The following ITFG1 variants were observed in gnomAD, a reference collection of about 807,000 sequenced individuals.
ITFG1 encodes the protein T-cell immunomodulatory protein.
ITFG1 carries 34 observed loss-of-function variants against 81.8 expected under a neutral mutation model. The ratio of observed to expected loss-of-function variants is 0.42; its 90% confidence interval spans 0.32 to 0.55. The LOEUF is 0.55. Ranked by LOEUF, ITFG1 falls within the 20% of genes least tolerant of loss-of-function variation. The pLI, the probability that ITFG1 is intolerant of heterozygous loss-of-function variation, is 0.17. For synonymous variants in ITFG1, 285 were observed against 270.6 expected (o/e 1.05, Z -0.52); for missense variants, 672 against 755.4 (o/e 0.89, Z 1.29).
chr16:47,408,522 A>T (rs1378512913), intron 6 of ITFG1, among the ~76,000 whole-genome samples: 1 of 152,234 alleles, frequency 6.6e-6, no homozygotes, highest in Non-Finnish European at 1.5e-5. Flanking sequence ...AAAGGTAAAG[A>T]GTCCCTGGGG....
At chr16:47,436,789 T>C (rs894333353) in intron 5 of ITFG1, among the ~76,000 whole-genome samples, 2 of 152,212 alleles carry the variant, frequency 1.3e-5, no homozygotes, top group African/African-American at 4.8e-5. Context: ...CTGTTCAAAG[T>C]AAGCAGCTGG....
At chr16:47,304,258 T>C (rs1967123859) in intron 10 of ITFG1, among the ~76,000 whole-genome samples, 1 of 152,112 alleles carries the variant, frequency 6.6e-6, no homozygotes, top group African/African-American at 2.4e-5. Flanking sequence ...ACAGGTTTCT[T>C]AGTTAAGCTT....
chr16:47,287,674 A>T lies in ITFG1; in HGVS notation c.1070+23566T>A, dbSNP rs1356477208. 3.3e-5 allele frequency among the ~76,000 whole-genome samples: 5 copies of T among 152,204 alleles called. 1 individual carries two copies. The highest frequency in any genetic ancestry group is 1.2e-4 in the African/African-American group (5 of 41,456). On this transcript the variant is annotated intron_variant, in intron 10 of 17. Transcript: ENST00000320640. ...CACCTCAGCCTCCCAAAGTGCTGTG[A>T]CTACAGGTGTGTGCCACCATACCAG...
At chr16:47,406,887 G>T (rs906440956) in intron 6 of ITFG1, among the ~76,000 whole-genome samples, 1 of 152,138 alleles carries the variant, frequency 6.6e-6, no homozygotes, top group African/African-American at 2.4e-5. Context: ...CTGGATATCC[G>T]CAGGAATAAT....
At chr16:47,317,214 A>C (rs1044463283) in intron 8 of ITFG1, among the ~76,000 whole-genome samples, 1 of 152,218 alleles carries the variant, frequency 6.6e-6, no homozygotes, top group African/African-American at 2.4e-5. Context: ...TACTTTATTG[A>C]AATAGAATTA....
In ITFG1 at chr16:47,218,725, G is replaced by GT. The variant is rs1210665862; in HGVS notation, c.1453+142dup. ...TAAGAACCTTTTATAATCTACCAATGTAAGTCTATGGAAAGACTAAGTATA... is the reference window on the plus strand; with the variant it reads ...TAAGAACCTTTTATAATCTACCAATGTTAAGTCTATGGAAAGACTAAGTATA... On this transcript the variant is annotated intron_variant, in intron 14 of 17. Coordinates refer to ENST00000320640, the MANE Select transcript of ITFG1 (RefSeq NM_030790.5). 9.6e-6 allele frequency: 4 copies of GT among 416,092 alleles called. No homozygotes were observed. The East Asian group carries it at 1.1e-4, about 12-fold the overall frequency. 25.8% of individuals were successfully genotyped at this position (416,092 alleles called of 1,614,324 possible). A position where few individuals can be genotyped will look rare whatever the true frequency, so the allele number is the denominator to read the frequency against.
intron 6 of ITFG1, among the ~76,000 whole-genome samples, chr16:47,376,598 T>C (rs1968327609): frequency 6.6e-6 from 1 of 152,222 alleles, no homozygotes; most frequent in South Asian, 2.1e-4. Context: ...ATTATGTTTG[T>C]ATCATGGCAA....
chr16:47,201,529 C>G (rs1245531509), intron 14 of ITFG1, among the ~76,000 whole-genome samples: 1 of 151,976 alleles, frequency 6.6e-6, no homozygotes, highest in African/African-American at 2.4e-5. Context: ...TTATTTTGCC[C>G]TTATTTAGAA....
intron 10 of ITFG1, among the ~76,000 whole-genome samples, chr16:47,284,456 C>T (rs1966862735): frequency 6.6e-6 from 1 of 152,106 alleles, no homozygotes; most frequent in Non-Finnish European, 1.5e-5. Context: ...TTTTAATGTT[C>T]ATAGATGAAA....
chr16:47,170,374 T>C (rs1295042633), intron 14 of ITFG1, among the ~76,000 whole-genome samples: 1 of 152,318 alleles, frequency 6.6e-6, no homozygotes, highest in African/African-American at 2.4e-5. Context: ...TACAGGTAGG[T>C]TGACATTGTC....
chr16:47,164,926 A>G (rs1344201887), intron 14 of ITFG1, among the ~76,000 whole-genome samples: 1 of 152,258 alleles, frequency 6.6e-6, no homozygotes, highest in Non-Finnish European at 1.5e-5. Flanking sequence ...AAAATGCCAT[A>G]GATTCGGTGT....
intron 4 of ITFG1, 31 bp from the exon 5 acceptor site, chr16:47,451,501 T>G: frequency 8.6e-7 from 1 of 1,168,332 alleles, no homozygotes; most frequent in Non-Finnish European, 1.3e-6. Context: ...TAAGCAGCTA[T>G]TTCTTTAAAT....
intron 10 of ITFG1, among the ~76,000 whole-genome samples, chr16:47,292,745 G>C (rs534206390): frequency 1.3e-5 from 2 of 152,146 alleles, no homozygotes; most frequent in East Asian, 1.9e-4. Context: ...CTTTGTTTCT[G>C]AATTGTTTAA....
At chr16:47,289,109 C>A (rs1407491258) in intron 10 of ITFG1, among the ~76,000 whole-genome samples, 2 of 152,052 alleles carry the variant, frequency 1.3e-5, no homozygotes, top group African/African-American at 4.8e-5. Context: ...ATTGAGATGA[C>A]CAAAGAGTTT....
At chr16:47,222,078 C>CT (rs1965698691) in intron 13 of ITFG1, among the ~76,000 whole-genome samples, 1 of 151,892 alleles carries the variant, frequency 6.6e-6, no homozygotes, top group African/African-American at 2.4e-5. Flanking sequence ...TTTTGTGTCT[C>CT]TATTTCCTTC....
intron 8 of ITFG1, among the ~76,000 whole-genome samples, chr16:47,314,567 G>T (rs1331658171): frequency 2.0e-5 from 3 of 152,102 alleles, no homozygotes; most frequent in Non-Finnish European, 4.4e-5. Context: ...GCCTACAGAG[G>T]TGAGGTTATG....
At position 47,311,269 on chromosome 16, in the gene ITFG1, A is replaced by G. The variant is rs764946653; in HGVS notation, c.1041T>C (p.Ala347=). The change falls in exon 10 of 18, where the codon GCT becomes GCC. Residue 347 remains alanine (A), a synonymous_variant. Coordinates refer to ENST00000320640, the MANE Select transcript of ITFG1 (RefSeq NM_030790.5). ...CAGATGTGTTCTTTAGTATGACCAG[A>G]GCGTCTGGATAGCCATCCATATTGT... ...GDYNMDGYPD[A]LVILKNTSGS... is the part of the protein sequence containing the mutation. The G allele has an allele frequency of 6.2e-7, 1 of 1,612,270 alleles. No homozygotes were observed. The highest frequency in any genetic ancestry group is 8.5e-7 in the Non-Finnish European group (1 of 1,178,904).
chr16:47,340,141 T>C (rs1967761631), intron 8 of ITFG1, among the ~76,000 whole-genome samples: 1 of 152,104 alleles, frequency 6.6e-6, no homozygotes, highest in Non-Finnish European at 1.5e-5. Flanking sequence ...AAATGTAAGA[T>C]ATTCCCAGAT....
At chr16:47,399,368 T>C (rs1968630985) in intron 6 of ITFG1, among the ~76,000 whole-genome samples, 1 of 152,076 alleles carries the variant, frequency 6.6e-6, no homozygotes, top group African/African-American at 2.4e-5. Flanking sequence ...GGTCAGGAGA[T>C]CGAGACCATC....
Sources: allele counts gnomAD v4.1 joint callset (sites outside exome capture counted in the v4.1 genomes callset), GRCh38; gene constraint gnomAD v4.1.1; transcripts MANE v1.5; gene names NCBI Gene and HGNC (gene_info 2026-07-23, HGNC 2026-07-21).